AKAP6: variants seen among roughly 807,000 people sequenced by gnomAD.
AKAP6 encodes the protein A-kinase anchoring protein 6.
A neutral mutation model predicts 188.5 loss-of-function variants in AKAP6; 58 were observed. The ratio of observed to expected loss-of-function variants is 0.31; its 90% CI spans 0.25 to 0.38. AKAP6 has a LOEUF of 0.38. Among genes scored for constraint, AKAP6 ranks in the 10% least tolerant of loss-of-function variants. The probability of loss-of-function intolerance (pLI) is 1.00; values close to 1 mark genes in which losing one functional copy is unlikely to be tolerated. For missense variants in AKAP6, 2,710 were observed against 2,740.0 expected (o/e 0.99, Z 0.24); for synonymous variants, 989 against 998.6 (o/e 0.99, Z 0.18).
chr14:32,362,482 T>C (rs1887695883), intron 1 of AKAP6, among the ~76,000 whole-genome samples: 2 of 152,182 alleles, frequency 1.3e-5, no homozygotes, highest in Admixed American at 1.3e-4. Context: ...TGGACTCTTA[T>C]CCCAAATAGT....
chr14:32,597,646 G>A (rs1885760036), intron 5 of AKAP6, among the ~76,000 whole-genome samples: 1 of 152,144 alleles, frequency 6.6e-6, no homozygotes, highest in South Asian at 2.1e-4. Flanking sequence ...GCTAAAAGAG[G>A]ACAGTACAAG....
intron 7 of AKAP6, among the ~76,000 whole-genome samples, chr14:32,659,249 C>T (rs1888584525): frequency 6.6e-6 from 1 of 152,062 alleles, no homozygotes; most frequent in Admixed American, 6.6e-5. Flanking sequence ...TCATTAATTT[C>T]TGTTAAATCT....
chr14:32,786,296 A>ATGTTTTTTTTTGT, intron 12 of AKAP6, among the ~76,000 whole-genome samples: 2 of 93,718 alleles, frequency 2.1e-5, no homozygotes, highest in South Asian at 3.7e-4. Flanking sequence ...CTAAACCTTT[A>ATGTTTTTTTTTGT]TCTTTTTTTT....
chr14:32,366,362 G>C (rs992093451), intron 1 of AKAP6, among the ~76,000 whole-genome samples: 1 of 152,182 alleles, frequency 6.6e-6, no homozygotes, highest in Non-Finnish European at 1.5e-5. Flanking sequence ...TTCTTTGTGG[G>C]GCAGTCCCTC....
In AKAP6 at chr14:32,415,880, G is replaced by A. The variant is rs1594591798; in HGVS notation, c.-34-17580G>A. ...ATATCAGATTTTCCTTCCTTTTTAA[G>A]GCTGAATAATATTCTGTCGTATGTA... is the stretch of plus-strand genomic sequence containing the variant. On this transcript the variant is annotated intron_variant, in intron 1 of 13. Coordinates refer to ENST00000280979, the MANE Select transcript of AKAP6 (RefSeq NM_004274.5). 1.3e-5 allele frequency among the ~76,000 whole-genome samples: 2 copies of A among 152,166 alleles called. 1 individual carries two copies. Among genetic ancestry groups the A allele is most frequent in the East Asian group, 3.9e-4 (2 of 5,176 alleles).
At chr14:32,609,410 A>G (rs1307090664) in intron 7 of AKAP6, among the ~76,000 whole-genome samples, 1 of 152,122 alleles carries the variant, frequency 6.6e-6, no homozygotes, top group Admixed American at 6.5e-5. Context: ...CTTAGCTCCC[A>G]CTGTGCCTAA....
intron 9 of AKAP6, among the ~76,000 whole-genome samples, chr14:32,708,723 C>T (rs1357889762): frequency 6.6e-6 from 1 of 151,956 alleles, no homozygotes; most frequent in African/African-American, 2.4e-5. Flanking sequence ...AAATTAGCAT[C>T]TGACAGATTT....
intron 2 of AKAP6, among the ~76,000 whole-genome samples, chr14:32,530,573 G>T (rs1882365980): frequency 6.6e-6 from 1 of 152,092 alleles, no homozygotes; most frequent in Admixed American, 6.6e-5. Flanking sequence ...AAGATGTTTT[G>T]AGAGTGATTG....
intron 1 of AKAP6, among the ~76,000 whole-genome samples, chr14:32,330,189 G>A (rs939830193): frequency 6.6e-6 from 1 of 152,068 alleles, no homozygotes; most frequent in Non-Finnish European, 1.5e-5. Flanking sequence ...TGAAGTGGCA[G>A]TGGTGTTGCC....
intron 12 of AKAP6, among the ~76,000 whole-genome samples, chr14:32,811,640 T>A (rs2034238594): frequency 6.6e-6 from 1 of 152,202 alleles, no homozygotes; most frequent in African/African-American, 2.4e-5. Context: ...AGATAGATAG[T>A]GTCAACGTTG....
intron 2 of AKAP6, among the ~76,000 whole-genome samples, chr14:32,513,743 A>G (rs968351629): frequency 1.3e-5 from 2 of 152,312 alleles, no homozygotes; most frequent in Admixed American, 1.3e-4. Context: ...AAACAGTACA[A>G]TAAAAATCAT....
intron 1 of AKAP6, among the ~76,000 whole-genome samples, chr14:32,407,014 T>G (rs912022090): frequency 1.3e-5 from 2 of 152,228 alleles, no homozygotes; most frequent in Non-Finnish European, 2.9e-5. Flanking sequence ...AGTGCCATTC[T>G]GGATCATTTT....
chr14:32,355,367 G>T (rs1457543499), intron 1 of AKAP6, among the ~76,000 whole-genome samples: 1 of 151,926 alleles, frequency 6.6e-6, no homozygotes, highest in Non-Finnish European at 1.5e-5. Flanking sequence ...CCCCTCACCG[G>T]CTCCAAGCCC....
At position 32,568,514 on chromosome 14, in the gene AKAP6, A is replaced by G. The variant is rs563708361; in HGVS notation, c.2347-8606A>G. On this transcript the variant is annotated intron_variant, in intron 4 of 13. Transcript: ENST00000280979. This position sits in a 1 kb window ranked among gnomAD's most constrained non-coding sequence, Gnocchi z 6.2. ...TTAAACTATCATAATCCTAAATTCT[A>G]AGTTATGAGTATCTCAGGTGCTCAT... is the stretch of plus-strand genomic sequence containing the variant. Among the ~76,000 whole-genome samples, 3 of 152,146 alleles carry G rather than the reference A, an allele frequency of 2.0e-5. No homozygotes were observed. The South Asian group carries it at 6.2e-4, about 31-fold the overall frequency.
chr14:32,660,090 T>C (rs1019113536), intron 7 of AKAP6, among the ~76,000 whole-genome samples: 13 of 152,258 alleles, frequency 8.5e-5, no homozygotes, highest in Admixed American at 7.9e-4. Flanking sequence ...GAACCTATGA[T>C]AGCTGGAAAT....
rs567664976 is a variant in AKAP6, at chr14:32,398,517, G to A, written c.-34-34943G>A. ...ATGGATTAAGACAGAAACATTAAATGTGATGGATGTGGTTTGATACATTCC... is the reference window on the plus strand; with the variant it reads ...ATGGATTAAGACAGAAACATTAAATATGATGGATGTGGTTTGATACATTCC... On this transcript the variant is annotated intron_variant, in intron 1 of 13. Coordinates refer to ENST00000280979, the MANE Select transcript of AKAP6 (RefSeq NM_004274.5). Among the ~76,000 whole-genome samples, 76 of 152,322 alleles carry A rather than the reference G, an allele frequency of 5.0e-4. No homozygotes were observed. The South Asian group carries it at 0.015, about 30-fold the overall frequency.
Position 32,823,060 on chromosome 14 carries a change from T to C in AKAP6, c.5247T>C (p.Asp1749=). The C allele has an allele frequency of 6.2e-7, 1 of 1,613,786 alleles. No homozygotes were observed. Among genetic ancestry groups the C allele is most frequent in the Non-Finnish European group, 8.5e-7 (1 of 1,179,888 alleles). ...CTTGCACCTCTGCTTGCACTGATGA[T>C]GAAGATGACAGCGACCTGCTCTCCA... is the stretch of plus-strand genomic sequence containing the variant. ...NVSCTSACTD[D]EDDSDLLSSS... Residue 1749 remains aspartate, a synonymous_variant, in exon 13 of 14, where the codon GAT becomes GAC. Coordinates refer to ENST00000280979, the MANE Select transcript of AKAP6 (RefSeq NM_004274.5).
At chr14:32,809,638 A>T (rs923067168) in intron 12 of AKAP6, among the ~76,000 whole-genome samples, 1 of 152,206 alleles carries the variant, frequency 6.6e-6, no homozygotes, top group African/African-American at 2.4e-5. Flanking sequence ...TTATGGAGTC[A>T]CACACAGCTC....
At chr14:32,756,717 G>A (rs943658637) in intron 11 of AKAP6, among the ~76,000 whole-genome samples, 3 of 152,304 alleles carry the variant, frequency 2.0e-5, no homozygotes, top group African/African-American at 4.8e-5. Flanking sequence ...GCTGGAATAG[G>A]CCTCCAAGGC....
Sources: allele counts gnomAD v4.1 joint callset (sites outside exome capture counted in the v4.1 genomes callset), GRCh38; gene constraint gnomAD v4.1.1; non-coding constraint Gnocchi (gnomAD v3.1); transcripts MANE v1.5; gene names NCBI Gene and HGNC (gene_info 2026-07-23, HGNC 2026-07-21).